PPM1A: variants seen among roughly 807,000 people sequenced by gnomAD.
The protein encoded by PPM1A is protein phosphatase, Mg2+/Mn2+ dependent 1A.
In PPM1A, 7 loss-of-function variants were observed where a neutral mutation model predicts 35.0. The observed-to-expected ratio is 0.20, with a 90% CI of 0.11 to 0.38. The LOEUF is 0.38. Among genes scored for constraint, PPM1A ranks in the 10% least tolerant of loss-of-function variants. The pLI, the probability that PPM1A is intolerant of heterozygous loss-of-function variation, is 1.00. For missense variants in PPM1A, 239 were observed against 467.8 expected (o/e 0.51, Z 4.51); for synonymous variants, 153 against 167.3 (o/e 0.91, Z 0.66).
In PPM1A at chr14:60,282,188, T is replaced by G. The variant is rs574364967; in HGVS notation, c.-20-496T>G. Among the ~76,000 whole-genome samples the G allele has an allele frequency of 1.1e-4, 16 of 152,340 alleles. No individual in the cohort carries two copies. The highest frequency in any genetic ancestry group is 3.6e-4 in the African/African-American group (15 of 41,570). On this transcript the variant is annotated intron_variant, in intron 1 of 5. Transcript: ENST00000395076. This position sits in a 1 kb window ranked among gnomAD's most constrained non-coding sequence, Gnocchi z 5.1. ...AATTTGGAGCATTGTGAGTAGATTA[T>G]TTTTTAGTTTTTCAGAGTTCATGCA...
intron 1 of PPM1A, among the ~76,000 whole-genome samples, chr14:60,257,140 A>G (rs888044850): frequency 6.6e-6 from 1 of 152,212 alleles, no homozygotes; most frequent in African/African-American, 2.4e-5. Flanking sequence ...TATGGCTTAA[A>G]ATTTTATTCA....
Position 60,298,074 on chromosome 14 carries a change from A to G in PPM1A, c.*5592A>G, listed in dbSNP as rs532373745. Reference sequence around the variant, plus strand: ...TAAAATATACTTTTTAAAAAATATTATATTTGGGGTGGGGAAAGTGATTAA... The same window carrying G: ...TAAAATATACTTTTTAAAAAATATTGTATTTGGGGTGGGGAAAGTGATTAA... On this transcript the variant is annotated 3_prime_UTR_variant, in exon 6 of 6. Coordinates refer to ENST00000395076, the MANE Select transcript of PPM1A (RefSeq NM_021003.5). 6.6e-6 allele frequency: 1 copy of G among 151,658 alleles called. No individual in the cohort carries two copies. The highest frequency in any genetic ancestry group is 2.4e-5 in the African/African-American group (1 of 41,470). The allele number at this position is 151,658 out of a possible 1,614,324, so 9.4% of individuals were successfully genotyped here.
chr14:60,285,993 A>G (rs1886965340), intron 3 of PPM1A: 2 of 1,121,388 alleles, frequency 1.8e-6, no homozygotes, highest in African/African-American at 1.6e-5. Flanking sequence ...TTAAAAGGCT[A>G]AAATGTTTGT....
chr14:60,284,767 C>G (rs1290942605), intron 2 of PPM1A, among the ~76,000 whole-genome samples: 1 of 149,658 alleles, frequency 6.7e-6, no homozygotes, highest in Admixed American at 6.7e-5. Flanking sequence ...ATACATGCTA[C>G]ACCCTTTCCT....
chr14:60,260,904 T>C (rs1883675808), intron 1 of PPM1A, among the ~76,000 whole-genome samples: 1 of 152,200 alleles, frequency 6.6e-6, no homozygotes, highest in African/African-American at 2.4e-5. Context: ...AGTATTAAGT[T>C]ATTGAGAGAC....
chr14:60,250,355 A>G (rs970658506), intron 1 of PPM1A: 56 of 853,290 alleles, frequency 6.6e-5, no homozygotes, highest in Middle Eastern at 5.9e-4. Context: ...AGCTTGGTTG[A>G]GGTATGGTTC....
chr14:60,288,943 G>C (rs1387443632), intron 3 of PPM1A, among the ~76,000 whole-genome samples: 1 of 152,080 alleles, frequency 6.6e-6, no homozygotes, highest in Non-Finnish European at 1.5e-5. Flanking sequence ...TTTATACTTA[G>C]AGGAATAGTT....
At chr14:60,249,073 C>T (rs1337641942), upstream of PPM1A, among the ~76,000 whole-genome samples, 1 of 151,986 alleles carries the variant, frequency 6.6e-6, no homozygotes, top group African/African-American at 2.4e-5. This position sits in a 1 kb window ranked among gnomAD's most constrained non-coding sequence, Gnocchi z 4.5. Flanking sequence ...CGCCAGCCCT[C>T]ACCGCAGTTC....
At chr14:60,260,470 C>T (rs1348328802) in intron 1 of PPM1A, among the ~76,000 whole-genome samples, 1 of 151,992 alleles carries the variant, frequency 6.6e-6, no homozygotes, top group Admixed American at 6.6e-5. Context: ...CGTTTTTTAA[C>T]CTTTTTATAT....
At chr14:60,284,722 C>CACAT (rs1555344275) in intron 2 of PPM1A, among the ~76,000 whole-genome samples, 2,819 of 112,392 alleles carry the variant, frequency 0.025, 99 homozygotes, top group African/African-American at 0.093. Flanking sequence ...TATATATATA[C>CACAT]ATATATATAT....
At position 60,283,318 on chromosome 14, in the gene PPM1A, C is replaced by T. The variant is rs1886603280; in HGVS notation, c.615C>T (p.Val205=). The T allele has an allele frequency of 6.2e-7, 1 of 1,614,148 alleles. No individual in the cohort carries two copies. Among genetic ancestry groups the T allele is most frequent in the Non-Finnish European group, 8.5e-7 (1 of 1,180,036 alleles). ...TTGGGGATTTTGATTACAAATGTGT[C>T]CATGGAAAAGGTCCTACTGAGCAGC... The part of the protein sequence containing the change: ...RALGDFDYKC[V]HGKGPTEQLV... The change falls in exon 2 of 6, where the codon GTC becomes GTT. Residue 205 remains valine (V), a synonymous_variant. Coordinates refer to ENST00000395076, the MANE Select transcript of PPM1A (RefSeq NM_021003.5). This position sits in a 1 kb window ranked among gnomAD's most constrained non-coding sequence, Gnocchi z 6.3.
chr14:60,278,297 G>T (rs1242292146), intron 1 of PPM1A, among the ~76,000 whole-genome samples: 1 of 150,648 alleles, frequency 6.6e-6, no homozygotes, highest in Non-Finnish European at 1.5e-5. Context: ...GCTTTTAAAA[G>T]ATTTCATGGT....
At chr14:60,288,109 TATGA>T in intron 3 of PPM1A, 1 of 983,718 alleles carries the variant, frequency 1.0e-6, no homozygotes, top group Non-Finnish European at 1.2e-6. Context: ...GCTAGTATAG[TATGA>T]ATGGTCAGGT....
Position 60,249,482 on chromosome 14 carries a change from G to A in PPM1A, c.-216G>A, listed in dbSNP as rs1383244670. 1.1e-5 allele frequency: 11 copies of A among 985,488 alleles called. No homozygotes were observed. The highest frequency in any genetic ancestry group is 7.0e-5 in the African/African-American group (4 of 57,172). The allele number at this position is 985,488 out of a possible 1,614,324, so 61.0% of individuals were successfully genotyped here. On this transcript the variant is annotated 5_prime_UTR_variant, in exon 1 of 6. Coordinates refer to ENST00000395076, the MANE Select transcript of PPM1A (RefSeq NM_021003.5). This position sits in a 1 kb window ranked among gnomAD's most constrained non-coding sequence, Gnocchi z 4.5. The stretch of plus-strand genomic sequence containing the variant: ...AACGCCCGGATGATCTGAGCCGCGA[G>A]GGCGCCGACAGCCGGGGGCCCGGAC...
upstream of PPM1A, chr14:60,246,051 T>A: frequency 2.5e-6 from 4 of 1,568,872 alleles, no homozygotes; most frequent in Non-Finnish European, 3.4e-6. Context: ...AAACAGGTAG[T>A]GAGGGAGGAA....
intron 1 of PPM1A, among the ~76,000 whole-genome samples, chr14:60,263,143 G>A (rs894484981): frequency 2.6e-5 from 4 of 152,048 alleles, no homozygotes; most frequent in African/African-American, 4.8e-5. Context: ...GCTTGAACCT[G>A]GGAGGTGGAG....
chr14:60,255,755 G>T (rs989618962), intron 1 of PPM1A, among the ~76,000 whole-genome samples: 1 of 152,198 alleles, frequency 6.6e-6, no homozygotes, highest in African/African-American at 2.4e-5. Flanking sequence ...ATTTAAGTGT[G>T]AAGATTATAC....
chr14:60,255,398 C>T (rs1252429569), intron 1 of PPM1A, among the ~76,000 whole-genome samples: 2 of 151,794 alleles, frequency 1.3e-5, no homozygotes, highest in Non-Finnish European at 2.9e-5. Context: ...GTCTCGATCT[C>T]CTGACCTCGT....
chr14:60,249,153 G>A, upstream of PPM1A: 2 of 877,684 alleles, frequency 2.3e-6, no homozygotes, highest in East Asian at 1.2e-4. This position sits in a 1 kb window ranked among gnomAD's most constrained non-coding sequence, Gnocchi z 4.5. Context: ...GGAGCCAGCG[G>A]GGCGGGGCGA....
Sources: gnomAD v4.1 joint callset for allele counts (sites outside exome capture counted in the v4.1 genomes callset) on GRCh38, gnomAD v4.1.1 for gene constraint, Gnocchi (gnomAD v3.1) non-coding constraint, MANE v1.5 for transcripts, NCBI Gene and HGNC (gene_info 2026-07-23, HGNC 2026-07-21) for gene names.